The following ABCA6 variants were observed in gnomAD, a reference collection of about 807,000 sequenced individuals.
The protein encoded by ABCA6 is ATP-binding cassette sub-family A member 6.
ABCA6 carries 164 observed loss-of-function variants against 191.2 expected under a neutral mutation model. The ratio of observed to expected loss-of-function variants is 0.86; its 90% CI spans 0.76 to 0.98. The LOEUF is 0.98. Among genes scored for constraint, ABCA6 ranks in the 50% least tolerant of loss-of-function variants. ABCA6 has a pLI of 0.00. For missense variants in ABCA6, 1,958 were observed against 1,894.1 expected (o/e 1.03, Z -0.63); for synonymous variants, 636 against 647.7 (o/e 0.98, Z 0.27).
At chr17:69,103,910 A>ATTTTTTT in intron 20 of ABCA6, 1 of 9,498 alleles carries the variant, frequency 1.1e-4, no homozygotes, top group South Asian at 3.7e-3. Context: ...GAAAAGAAGG[A>ATTTTTTT]CTTTTTTTTT....
At chr17:69,098,074 A>T in intron 22 of ABCA6, 47 bp from the exon 23 acceptor site, 2 of 1,363,916 alleles carry the variant, frequency 1.5e-6, no homozygotes, top group Non-Finnish European at 2.0e-6. Context: ...TTGTTAAATG[A>T]AACAAATAAT....
intron 10 of ABCA6, among the ~76,000 whole-genome samples, chr17:69,120,440 C>T (rs1457481916): frequency 6.6e-6 from 1 of 151,964 alleles, no homozygotes; most frequent in East Asian, 1.9e-4. Context: ...ATCTCTATCC[C>T]TACATTTATC....
Position 69,107,763 on chromosome 17 carries a change from A to G in ABCA6, c.2322T>C (p.Tyr774=). The G allele has an allele frequency of 5.6e-6, 9 of 1,613,168 alleles. No homozygotes were observed. Among genetic ancestry groups the G allele is most frequent in the Non-Finnish European group, 7.6e-6 (9 of 1,179,512 alleles). Residue 774 remains tyrosine (Y), a synonymous_variant, in exon 18 of 39, where the codon TAT becomes TAC. Transcript: ENST00000284425. The part of the protein sequence containing the change: ...DKCSDQGVTG[Y]DISMSTLNEV... Reference sequence around the variant, plus strand: ...CATTTAGAGTTGACATGGAAATGTCATAACCTGTCACTCCCTGGTCAGAAC... The same window carrying G: ...CATTTAGAGTTGACATGGAAATGTCGTAACCTGTCACTCCCTGGTCAGAAC...
chr17:69,096,010 C>T lies in ABCA6; in HGVS notation c.3408+230G>A, dbSNP rs142532870. The stretch of plus-strand genomic sequence containing the variant: ...CATAAACTCAACAGGACGTTTCAGA[C>T]GTCAGGTCTTCTGTAAGATTCTCCA... On this transcript the variant is annotated intron_variant, in intron 25 of 38. Transcript: ENST00000284425. Among the ~76,000 whole-genome samples the T allele has an allele frequency of 2.0e-5, 3 of 152,266 alleles. No homozygotes were observed. In the East Asian group the frequency reaches 5.8e-4, roughly 29 times the overall value.
At chr17:69,101,362 A>T (rs184668275) in intron 21 of ABCA6, among the ~76,000 whole-genome samples, 21 of 152,290 alleles carry the variant, frequency 1.4e-4, no homozygotes, top group African/African-American at 5.1e-4. Context: ...TGGGAGGCCA[A>T]GGCGGGCAGA....
intron 26 of ABCA6, 118 bp downstream of exon 26, chr17:69,091,025 T>A (rs929611214): frequency 1.4e-5 from 14 of 1,025,038 alleles, no homozygotes; most frequent in South Asian, 1.8e-5. Flanking sequence ...CCAAAATCTC[T>A]TATGCCCATT....
intron 35 of ABCA6, 89 bp from the exon 36 acceptor site, chr17:69,083,102 G>A: frequency 3.2e-6 from 5 of 1,580,674 alleles, no homozygotes; most frequent in Non-Finnish European, 3.4e-6. Flanking sequence ...AAGAAAAGGT[G>A]TCACCAAGGA....
chr17:69,120,726 A>ATTTCATGT (rs1179720898), intron 10 of ABCA6, among the ~76,000 whole-genome samples: 2 of 152,008 alleles, frequency 1.3e-5, no homozygotes, highest in Non-Finnish European at 2.9e-5. Flanking sequence ...TTGTTTCTGG[A>ATTTCATGT]TTTTAGACAT....
At chr17:69,105,119 T>A (rs2073266911) in intron 20 of ABCA6, 1 of 222,310 alleles carries the variant, frequency 4.5e-6, no homozygotes, top group Non-Finnish European at 8.6e-6. Flanking sequence ...ATTGCCTTTG[T>A]GGTATAGGTT....
At chr17:69,080,866 A>G (rs1487182050) in intron 37 of ABCA6, among the ~76,000 whole-genome samples, 200 bp downstream of exon 37, 1 of 152,186 alleles carries the variant, frequency 6.6e-6, no homozygotes. Flanking sequence ...CGGTCCCTGC[A>G]CTGGAGATTA....
chr17:69,124,524 C>T (rs185836542), intron 9 of ABCA6, among the ~76,000 whole-genome samples: 1 of 151,782 alleles, frequency 6.6e-6, no homozygotes, highest in Non-Finnish European at 1.5e-5. Context: ...CTCCCGAGAG[C>T]CAAACCACCA....
intron 18 of ABCA6, among the ~76,000 whole-genome samples, chr17:69,106,614 T>C (rs1472964928): frequency 7.5e-6 from 1 of 133,310 alleles, no homozygotes; most frequent in Non-Finnish European, 1.6e-5. Context: ...AAAAAAAAAG[T>C]TTTACATTTG....
In ABCA6 at chr17:69,106,217, AAC is replaced by A. The variant is rs1285241403; in HGVS notation, c.2390-8_2390-7del. 1.2e-6 allele frequency: 2 copies of A among 1,609,392 alleles called. No individual in the cohort carries two copies. The highest frequency in any genetic ancestry group is 1.3e-5 in the African/African-American group (1 of 74,654). ...CATCTCCACTTGTTCGAAATCTATA[AAC>A]ACACACATACACAAACACACATATT... On this transcript the variant is annotated splice_region_variant and splice_polypyrimidine_tract_variant and intron_variant, in intron 18 of 38. Transcript: ENST00000284425.
At chr17:69,080,994 A>C (rs1244611271) in intron 37 of ABCA6, 72 bp downstream of exon 37, 2 of 961,194 alleles carry the variant, frequency 2.1e-6, no homozygotes, top group African/African-American at 1.7e-5. Flanking sequence ...TTACACAATT[A>C]GCTTCCATTA....
intron 23 of ABCA6, among the ~76,000 whole-genome samples, chr17:69,097,675 T>A (rs2073080672): frequency 1.3e-5 from 2 of 152,224 alleles, no homozygotes; most frequent in African/African-American, 2.4e-5. Context: ...TATTTCCCTT[T>A]GAAGGTTTAG....
rs776493774 is a variant in ABCA6, at chr17:69,086,738, A to G, written c.3820-3T>C. The G allele has an allele frequency of 6.3e-7, 1 of 1,593,704 alleles. No homozygotes were observed. The highest frequency in any genetic ancestry group is 1.1e-5 in the South Asian group (1 of 90,138). On this transcript the variant is annotated splice_region_variant and splice_polypyrimidine_tract_variant and intron_variant, in intron 29 of 38. Coordinates refer to ENST00000284425, the MANE Select transcript of ABCA6 (RefSeq NM_080284.3). ...CAGCTGGCAATTATAACAGGTTTCT[A>G]GAAGAGATGACAGCATGATTTTCCT...
intron 25 of ABCA6, among the ~76,000 whole-genome samples, chr17:69,092,026 T>A (rs902229232): frequency 9.2e-5 from 14 of 152,240 alleles, no homozygotes; most frequent in Non-Finnish European, 1.8e-4. Context: ...TTGTCCTTCC[T>A]GCTCCATTTC....
At chr17:69,138,644 C>A (rs2073984383) in intron 2 of ABCA6, among the ~76,000 whole-genome samples, 1 of 151,348 alleles carries the variant, frequency 6.6e-6, no homozygotes, top group African/African-American at 2.4e-5. Context: ...CCAAGTCAAT[C>A]CTAAGCCAAA....
At chr17:69,132,898 A>G (rs74553944) in intron 6 of ABCA6, among the ~76,000 whole-genome samples, 2,348 of 152,152 alleles carry the variant, frequency 0.015, 46 homozygotes, top group African/African-American at 0.052. Flanking sequence ...ATATGTGTGT[A>G]TGTATGTGTA....
Sources: gnomAD v4.1 joint callset for allele counts (sites outside exome capture counted in the v4.1 genomes callset) on GRCh38, gnomAD v4.1.1 for gene constraint, MANE v1.5 for transcripts, NCBI Gene and HGNC (gene_info 2026-07-23, HGNC 2026-07-21) for gene names.